Variants in PHEX observed in about 807,000 individuals in gnomAD.
PHEX encodes phosphate regulating endopeptidase X-linked.
In PHEX, 16 loss-of-function variants were observed where a neutral mutation model predicts 68.0. The ratio of observed to expected loss-of-function variants is 0.24; its 90% CI spans 0.16 to 0.36. PHEX has a LOEUF of 0.36. PHEX is among the 10% of genes least tolerant of loss of function. PHEX has a pLI of 1.00. For synonymous variants in PHEX, 208 were observed against 205.1 expected (o/e 1.01, Z -0.12); for missense variants, 480 against 575.5 (o/e 0.83, Z 1.70).
intron 15 of PHEX, among the ~76,000 whole-genome samples, chrX:22,211,990 G>C (rs1222653541): frequency 3.6e-5 from 4 of 111,531 alleles, no homozygotes; most frequent in Non-Finnish European, 7.5e-5. Context: ...TTGACACATG[G>C]GGACTATTAC....
At position 22,133,574 on chromosome X, in the gene PHEX, A is replaced by C; in HGVS notation, c.1354A>C (p.Lys452Gln). Reference protein sequence around the residue: ...VRWAFIDMLEKENEWMDAGTK... With the variant: ...VRWAFIDMLEQENEWMDAGTK... The stretch of plus-strand genomic sequence containing the variant: ...CTGGGCCTTTATTGACATGCTAGAG[A>C]AAGAAAATGAGTGGATGGATGCAGG... The change falls in exon 12 of 22, where the codon AAA becomes CAA. Residue 452 changes from lysine to glutamine, a missense_variant. Transcript: ENST00000379374. 1.7e-6 allele frequency: 2 copies of C among 1,209,958 alleles called. No homozygotes were observed. Among genetic ancestry groups the C allele is most frequent in the African/African-American group, 3.5e-5 (2 of 57,702 alleles).
chrX:22,125,573 G>C (rs1262914307), intron 11 of PHEX, among the ~76,000 whole-genome samples: 1 of 109,749 alleles, frequency 9.1e-6, no homozygotes, highest in East Asian at 2.8e-4. Flanking sequence ...TGTTTGTCAT[G>C]TACCATGTTG....
chrX:22,148,856 C>T (rs1410994677), intron 12 of PHEX, among the ~76,000 whole-genome samples: 1 of 111,015 alleles, frequency 9.0e-6, no homozygotes, highest in African/African-American at 3.3e-5. Flanking sequence ...CCATTGTATA[C>T]ATCGACTCAC....
chrX:22,245,650 G>A (rs746542248), intron 21 of PHEX, among the ~76,000 whole-genome samples: 1 of 111,937 alleles, frequency 8.9e-6, no homozygotes, highest in Non-Finnish European at 1.9e-5. Flanking sequence ...GATGGTACCT[G>A]TACATATCTA....
chrX:22,046,861 C>T (rs764804756), intron 2 of PHEX, among the ~76,000 whole-genome samples, 189 bp from the exon 3 acceptor site: 6 of 111,405 alleles, frequency 5.4e-5, no homozygotes, highest in Non-Finnish European at 9.4e-5. Flanking sequence ...GCCCTTGCAC[C>T]CGGCCTATCC....
At chrX:22,100,991 G>A (rs1252346104) in intron 9 of PHEX, among the ~76,000 whole-genome samples, 2 of 110,357 alleles carry the variant, frequency 1.8e-5, no homozygotes, top group East Asian at 2.8e-4. Flanking sequence ...GGCCAACATG[G>A]TGAAACCCCG....
chrX:22,139,578 C>T (rs571114779), intron 12 of PHEX, among the ~76,000 whole-genome samples: 1 of 110,441 alleles, frequency 9.1e-6, no homozygotes, highest in Non-Finnish European at 1.9e-5. Context: ...TGGGCTCAAG[C>T]GATCCACCCA....
chrX:22,209,794 T>TCCCTCTCC (rs1569428062), intron 15 of PHEX, among the ~76,000 whole-genome samples: 6 of 89,180 alleles, frequency 6.7e-5, no homozygotes, highest in African/African-American at 2.2e-4. Context: ...CCTCTCTCTC[T>TCCCTCTCC]CCCTCTCCCT....
chrX:22,102,722 T>G (rs1930484987), intron 9 of PHEX, among the ~76,000 whole-genome samples: 1 of 112,162 alleles, frequency 8.9e-6, no homozygotes, highest in African/African-American at 3.2e-5. Flanking sequence ...AATGTGAACT[T>G]GGGTGTTGCC....
chrX:22,194,418 C>G (rs2079413608), intron 15 of PHEX, among the ~76,000 whole-genome samples: 1 of 111,521 alleles, frequency 9.0e-6, no homozygotes, highest in Non-Finnish European at 1.9e-5. Flanking sequence ...CTGGGACTTC[C>G]CCCACCCTAC....
intron 20 of PHEX, among the ~76,000 whole-genome samples, chrX:22,242,404 C>T (rs1228936200): frequency 8.9e-6 from 1 of 111,838 alleles, no homozygotes; most frequent in Non-Finnish European, 1.9e-5. Flanking sequence ...TCCTATTCAA[C>T]ATAGTGTTGG....
At chrX:22,185,367 T>A (rs1276957098) in intron 14 of PHEX, among the ~76,000 whole-genome samples, 2 of 112,383 alleles carry the variant, frequency 1.8e-5, no homozygotes, top group African/African-American at 6.5e-5. Flanking sequence ...TCAAAGCCCA[T>A]AAGCAACTTA....
intron 11 of PHEX, among the ~76,000 whole-genome samples, chrX:22,117,702 A>G (rs1240743299): frequency 3.6e-5 from 4 of 111,482 alleles, no homozygotes; most frequent in Non-Finnish European, 5.6e-5. Flanking sequence ...TCCTTGTGTC[A>G]GGGTATGACA....
Position 22,227,569 on chromosome X carries a change from C to A in PHEX, c.2028C>A (p.Ile676=). ...TTGAGGAGCCTCTTCTACCAGGCAT[C>A]ACATTCACCAACAACCAGCTCTTCT... ...QGLEEPLLPG[I]TFTNNQLFFL... is the part of the protein sequence containing the mutation. Residue 676 remains isoleucine, a synonymous_variant, in exon 20 of 22, where the codon ATC becomes ATA. Transcript: ENST00000379374. 8.3e-7 allele frequency: 1 copy of A among 1,208,043 alleles called. No homozygotes were observed. Among genetic ancestry groups the A allele is most frequent in the Non-Finnish European group, 1.1e-6 (1 of 892,143 alleles).
At chrX:22,209,753 C>CTCCCTCTCCTCCCTCTG (rs1569427989) in intron 15 of PHEX, among the ~76,000 whole-genome samples, 1 of 33,548 alleles carries the variant, frequency 3.0e-5, no homozygotes, top group East Asian at 1.1e-3. Flanking sequence ...TGCTCCCTCT[C>CTCCCTCTCCTCCCTCTG]CTCCCTCTCC....
intron 13 of PHEX, among the ~76,000 whole-genome samples, chrX:22,170,584 G>A (rs1489363568): frequency 8.9e-6 from 1 of 112,018 alleles, no homozygotes; most frequent in African/African-American, 3.2e-5. Context: ...TGTTAGCTAT[G>A]ACATCCTCAA....
At chrX:22,041,265 C>CTCTCTCTCTCTCTCTCTATATATATATA (rs1468778300) in intron 2 of PHEX, among the ~76,000 whole-genome samples, 1 of 72,825 alleles carries the variant, frequency 1.4e-5, no homozygotes, top group African/African-American at 6.3e-5. Context: ...CTCTCTCTCT[C>CTCTCTCTCTCTCTCTCTATATATATATA]TATATATATA....
chrX:22,243,220 C>G (rs1234521751), intron 20 of PHEX, among the ~76,000 whole-genome samples: 1 of 111,684 alleles, frequency 9.0e-6, no homozygotes, highest in Non-Finnish European at 1.9e-5. Flanking sequence ...GGAAAACTGG[C>G]TCGCCATATG....
intron 9 of PHEX, among the ~76,000 whole-genome samples, chrX:22,105,384 A>C (rs762136488): frequency 1.5e-4 from 17 of 112,207 alleles, no homozygotes; most frequent in Non-Finnish European, 2.8e-4. Context: ...GGGTTTGCTA[A>C]AATACAGTCT....
Sources: allele counts gnomAD v4.1 joint callset (sites outside exome capture counted in the v4.1 genomes callset), GRCh38; gene constraint gnomAD v4.1.1; transcripts MANE v1.5; gene names NCBI Gene and HGNC (gene_info 2026-07-23, HGNC 2026-07-21).